Variants in ANKS1B observed in about 807,000 individuals in gnomAD.
The protein encoded by ANKS1B is ankyrin repeat and sterile alpha motif domain-containing protein 1B.
A neutral mutation model predicts 148.3 loss-of-function variants in ANKS1B; 36 were observed. That is an observed-to-expected ratio of 0.24 (90% CI 0.19 to 0.32). The LOEUF (loss-of-function observed/expected upper bound fraction) is 0.32, where lower values mean the gene tolerates loss of function less well. Among genes scored for constraint, ANKS1B ranks in the 10% least tolerant of loss-of-function variants. The pLI is 1.00. For missense variants in ANKS1B, 1,157 were observed against 1,542.6 expected, an observed-to-expected ratio of 0.75 and a Z score of 4.19; for synonymous variants, 542 against 560.8, an observed-to-expected ratio of 0.97 and a Z score of 0.47.
chr12:99,730,515 C>G (rs936651747), intron 8 of ANKS1B, among the ~76,000 whole-genome samples: 1 of 152,162 alleles, frequency 6.6e-6, no homozygotes, highest in Admixed American at 6.5e-5. Flanking sequence ...CAATCAGAAC[C>G]CCTATATCTC....
chr12:99,111,953 G>A (rs2060374097), intron 15 of ANKS1B, among the ~76,000 whole-genome samples: 1 of 152,108 alleles, frequency 6.6e-6, no homozygotes, highest in Admixed American at 6.6e-5. Flanking sequence ...GAAATACTGA[G>A]CAATTACAGC....
At chr12:98,913,577 G>C (rs2099789746) in intron 17 of ANKS1B, among the ~76,000 whole-genome samples, 1 of 152,122 alleles carries the variant, frequency 6.6e-6, no homozygotes, top group Non-Finnish European at 1.5e-5. Flanking sequence ...TGGTTGTCTA[G>C]TGGGCCTGTC....
intron 14 of ANKS1B, among the ~76,000 whole-genome samples, chr12:99,169,929 T>C (rs977583923): frequency 6.6e-6 from 1 of 152,186 alleles, no homozygotes; most frequent in Non-Finnish European, 1.5e-5. Flanking sequence ...GGGAAACTTG[T>C]CCTTTTGCAG....
At chr12:99,117,839 G>T (rs1351699896) in intron 15 of ANKS1B, among the ~76,000 whole-genome samples, 1 of 152,122 alleles carries the variant, frequency 6.6e-6, no homozygotes. Context: ...GGCTTGTGTT[G>T]GTTGCTAGGC....
At chr12:98,942,253 G>A (rs1468538970) in intron 17 of ANKS1B, among the ~76,000 whole-genome samples, 1 of 151,792 alleles carries the variant, frequency 6.6e-6, no homozygotes. Context: ...TGGGAGGTGG[G>A]GGAGCGGGGG....
intron 14 of ANKS1B, among the ~76,000 whole-genome samples, chr12:99,171,244 T>C (rs1200863027): frequency 6.6e-6 from 1 of 152,228 alleles, no homozygotes; most frequent in East Asian, 1.9e-4. Flanking sequence ...AATTATAAAC[T>C]ACATGTCCTT....
Position 99,444,357 on chromosome 12 carries a change from A to T in ANKS1B, c.1439-548T>A, listed in dbSNP as rs79799483. 6.5e-3 allele frequency among the ~76,000 whole-genome samples: 983 copies of T among 152,114 alleles called. 9 individuals carry two copies. The highest frequency in any genetic ancestry group is 0.02 in the Middle Eastern group (6 of 294). ...GAAATTTGTGCAAAATGGTTTTATGATGTAGATAAACACAAAATTATCACT... is the reference window on the plus strand; with the variant it reads ...GAAATTTGTGCAAAATGGTTTTATGTTGTAGATAAACACAAAATTATCACT... On this transcript the variant is annotated intron_variant, in intron 10 of 26. Transcript: ENST00000683438.
At chr12:99,385,290 A>C (rs2152525728) in intron 12 of ANKS1B, among the ~76,000 whole-genome samples, 1 of 152,220 alleles carries the variant, frequency 6.6e-6, no homozygotes, top group Admixed American at 6.5e-5. Flanking sequence ...CCAACATGGC[A>C]AAACCCCATC....
At chr12:99,978,836 T>G (rs2095658455) in intron 1 of ANKS1B, among the ~76,000 whole-genome samples, 2 of 152,188 alleles carry the variant, frequency 1.3e-5, no homozygotes, top group Admixed American at 6.5e-5. Flanking sequence ...CACATGGGGA[T>G]CTTAAGAACT....
chr12:99,652,983 A>G (rs950084413), intron 9 of ANKS1B, among the ~76,000 whole-genome samples: 1 of 152,178 alleles, frequency 6.6e-6, no homozygotes, highest in Non-Finnish European at 1.5e-5. Context: ...TTTAAATTAC[A>G]TGATGCACTT....
At chr12:98,982,217 T>G (rs1230611482) in intron 17 of ANKS1B, among the ~76,000 whole-genome samples, 3 of 152,212 alleles carry the variant, frequency 2.0e-5, no homozygotes, top group African/African-American at 7.2e-5. Context: ...CTTCTGAAAC[T>G]TTAATGTGCA....
intron 8 of ANKS1B, among the ~76,000 whole-genome samples, chr12:99,686,600 C>A (rs563241958): frequency 1.3e-5 from 2 of 152,030 alleles, no homozygotes; most frequent in Non-Finnish European, 2.9e-5. Context: ...AATCCTATTA[C>A]CAAGCAAGAT....
At chr12:99,332,325 T>C (rs1052866228) in intron 12 of ANKS1B, among the ~76,000 whole-genome samples, 2 of 152,026 alleles carry the variant, frequency 1.3e-5, no homozygotes, top group African/African-American at 4.8e-5. Flanking sequence ...TTACTGCATA[T>C]CAAAACATAG....
intron 9 of ANKS1B, among the ~76,000 whole-genome samples, chr12:99,582,111 C>T (rs1343105148): frequency 2.6e-5 from 4 of 151,544 alleles, no homozygotes; most frequent in Non-Finnish European, 2.9e-5. Context: ...AAAAAAGATG[C>T]TTAACATCAT....
intron 14 of ANKS1B, among the ~76,000 whole-genome samples, chr12:99,221,167 G>A (rs1438524728): frequency 6.6e-6 from 1 of 151,944 alleles, no homozygotes; most frequent in Non-Finnish European, 1.5e-5. Flanking sequence ...GTAAAACCCT[G>A]TCTCTACTAA....
chr12:99,467,844 C>G (rs189470915), intron 10 of ANKS1B, among the ~76,000 whole-genome samples: 1 of 152,108 alleles, frequency 6.6e-6, no homozygotes, highest in Non-Finnish European at 1.5e-5. Context: ...GAATCAATAT[C>G]GTGAAAATGG....
At chr12:98,887,288 A>C (rs2099742186) in intron 17 of ANKS1B, among the ~76,000 whole-genome samples, 3 of 152,122 alleles carry the variant, frequency 2.0e-5, no homozygotes, top group African/African-American at 7.2e-5. Flanking sequence ...GTTAACGCTA[A>C]GGAAGCTTAA....
intron 14 of ANKS1B, among the ~76,000 whole-genome samples, chr12:99,198,393 G>C (rs192508055): frequency 1.3e-5 from 2 of 152,194 alleles, no homozygotes; most frequent in East Asian, 3.9e-4. Flanking sequence ...ACTGAAAAAG[G>C]TCCAGCATAT....
At chr12:99,441,485 A>G (rs2095549278) in intron 11 of ANKS1B, among the ~76,000 whole-genome samples, 1 of 151,976 alleles carries the variant, frequency 6.6e-6, no homozygotes, top group African/African-American at 2.4e-5. Context: ...ACTCATATGG[A>G]GAAATAAGTC....
Sources: gnomAD v4.1 joint callset for allele counts (sites outside exome capture counted in the v4.1 genomes callset) on GRCh38, gnomAD v4.1.1 for gene constraint, MANE v1.5 for transcripts, NCBI Gene and HGNC (gene_info 2026-07-23, HGNC 2026-07-21) for gene names.